The following MAML3 variants were observed in gnomAD, a reference collection of about 807,000 sequenced individuals.
MAML3 encodes mastermind like transcriptional coactivator 3, also known as mastermind-like protein 3.
In MAML3, 27 loss-of-function variants were observed where a neutral mutation model predicts 101.9. The observed-to-expected ratio is 0.27, with a 90% CI of 0.20 to 0.37. The LOEUF is 0.37. MAML3 is among the 10% of genes least tolerant of loss of function. MAML3 has a pLI of 1.00. For synonymous variants in MAML3, 501 were observed against 555.9 expected (o/e 0.90, Z 1.39); for missense variants, 1,316 against 1,444.9 (o/e 0.91, Z 1.45).
chr4:139,809,765 C>A (rs1730761189), intron 2 of MAML3, among the ~76,000 whole-genome samples: 1 of 152,108 alleles, frequency 6.6e-6, no homozygotes, highest in African/African-American at 2.4e-5. Flanking sequence ...CACATGTGAG[C>A]CCCCACCTTC....
At chr4:139,937,287 C>G (rs1315740719) in intron 1 of MAML3, among the ~76,000 whole-genome samples, 1 of 151,962 alleles carries the variant, frequency 6.6e-6, no homozygotes, top group Non-Finnish European at 1.5e-5. Flanking sequence ...TTCATAGATT[C>G]AATGCACAAC....
chr4:140,012,607 C>T (rs1726580192), intron 1 of MAML3, among the ~76,000 whole-genome samples: 2 of 152,226 alleles, frequency 1.3e-5, no homozygotes, highest in Non-Finnish European at 2.9e-5. Context: ...TCCTAAGTTC[C>T]ATCTTGGGCA....
intron 2 of MAML3, among the ~76,000 whole-genome samples, chr4:139,837,549 G>T (rs906992641): frequency 1.3e-5 from 2 of 151,934 alleles, no homozygotes; most frequent in Non-Finnish European, 2.9e-5. Context: ...CACTTTTACC[G>T]CAAGAGCACA....
At chr4:139,841,982 T>C (rs1001940606) in intron 2 of MAML3, among the ~76,000 whole-genome samples, 1 of 152,208 alleles carries the variant, frequency 6.6e-6, no homozygotes, top group African/African-American at 2.4e-5. Flanking sequence ...ACACATTTAT[T>C]TGTCCAGGAC....
chr4:139,796,480 C>T (rs974416235), intron 2 of MAML3, among the ~76,000 whole-genome samples: 1 of 152,188 alleles, frequency 6.6e-6, no homozygotes, highest in Non-Finnish European at 1.5e-5. Flanking sequence ...ATACACTACC[C>T]TCTTCCCAGG....
intron 2 of MAML3, among the ~76,000 whole-genome samples, chr4:139,831,953 C>T (rs193253042): frequency 0.036 from 5,411 of 151,922 alleles, 325 homozygotes; most frequent in African/African-American, 0.12. Context: ...CCACCACGCC[C>T]GGCTAATTTT....
intron 1 of MAML3, among the ~76,000 whole-genome samples, chr4:140,004,728 C>T (rs912350085): frequency 2.6e-5 from 4 of 152,044 alleles, no homozygotes; most frequent in Non-Finnish European, 4.4e-5. Context: ...GGGAGCCTGG[C>T]GCAGCTCCCT....
At chr4:140,093,467 A>G (rs1578681189) in intron 1 of MAML3, among the ~76,000 whole-genome samples, 1 of 138,726 alleles carries the variant, frequency 7.2e-6, no homozygotes, top group African/African-American at 2.7e-5. Context: ...CCCAGGCTGG[A>G]GTGCAGTGGC....
intron 2 of MAML3, among the ~76,000 whole-genome samples, chr4:139,768,822 G>A (rs1306146345): frequency 1.3e-5 from 2 of 152,158 alleles, no homozygotes; most frequent in African/African-American, 4.8e-5. Flanking sequence ...CAGGAATGCT[G>A]GGCATTCACT....
chr4:140,043,631 C>A (rs896038567), intron 1 of MAML3, among the ~76,000 whole-genome samples: 1 of 152,150 alleles, frequency 6.6e-6, no homozygotes, highest in South Asian at 2.1e-4. Flanking sequence ...TAAAATTTTT[C>A]TTTAAAAATG....
rs1392260680 is a variant in MAML3, at chr4:139,968,556, T to C, written c.469-77589A>G. Among the ~76,000 whole-genome samples, 10 of 152,230 alleles carry C rather than the reference T, an allele frequency of 6.6e-5. No homozygotes were observed. The East Asian group carries it at 9.7e-4, about 15-fold the overall frequency. On this transcript the variant is annotated intron_variant, in intron 1 of 4. Coordinates refer to ENST00000509479, the MANE Select transcript of MAML3 (RefSeq NM_018717.5). The stretch of plus-strand genomic sequence containing the variant: ...AGTTTGATGACTACATAGTGCTTGT[T>C]ACAGTCCAGACTTTCTCTAAGTGCT...
At chr4:139,825,724 C>T (rs1286376814) in intron 2 of MAML3, among the ~76,000 whole-genome samples, 1 of 151,192 alleles carries the variant, frequency 6.6e-6, no homozygotes, top group Non-Finnish European at 1.5e-5. Context: ...CATCACGTCA[C>T]TGACCTAAAT....
At chr4:139,910,955 C>G (rs1300660204) in intron 1 of MAML3, among the ~76,000 whole-genome samples, 6 of 152,116 alleles carry the variant, frequency 3.9e-5, no homozygotes, top group Non-Finnish European at 5.9e-5. Flanking sequence ...TAAGTACATT[C>G]ACACTGTTGT....
intron 1 of MAML3, among the ~76,000 whole-genome samples, chr4:140,030,925 G>C (rs1263314722): frequency 6.6e-6 from 1 of 152,208 alleles, no homozygotes; most frequent in Non-Finnish European, 1.5e-5. Context: ...AAATTACAGA[G>C]GTTGGTAACA....
At chr4:139,791,676 A>C (rs1207112601) in intron 2 of MAML3, among the ~76,000 whole-genome samples, 2 of 152,208 alleles carry the variant, frequency 1.3e-5, no homozygotes, top group African/African-American at 2.4e-5. Flanking sequence ...AGCTTTACTC[A>C]TAATACAGGG....
At chr4:139,963,157 C>G (rs1734055021) in intron 1 of MAML3, among the ~76,000 whole-genome samples, 1 of 152,090 alleles carries the variant, frequency 6.6e-6, no homozygotes, top group Admixed American at 6.6e-5. Context: ...AGTGGATCAT[C>G]CCTGTAGTCC....
At chr4:139,905,077 G>T (rs986749539) in intron 1 of MAML3, among the ~76,000 whole-genome samples, 4 of 152,228 alleles carry the variant, frequency 2.6e-5, no homozygotes, top group Middle Eastern at 3.2e-3. Context: ...GCTTGCAGAA[G>T]AAAGAGCTGT....
At chr4:139,798,720 T>C (rs769094719) in intron 2 of MAML3, among the ~76,000 whole-genome samples, 3 of 152,206 alleles carry the variant, frequency 2.0e-5, no homozygotes, top group Admixed American at 6.5e-5. Flanking sequence ...CTAGTACAGA[T>C]GGTAGAAACC....
At chr4:139,970,225 G>A (rs561764976) in intron 1 of MAML3, among the ~76,000 whole-genome samples, 1 of 152,322 alleles carries the variant, frequency 6.6e-6, no homozygotes, top group East Asian at 1.9e-4. Context: ...ATTAGAGCAG[G>A]CTTCACGGAC....
Sources: gnomAD v4.1 joint callset for allele counts (sites outside exome capture counted in the v4.1 genomes callset) on GRCh38, gnomAD v4.1.1 for gene constraint, MANE v1.5 for transcripts, NCBI Gene and HGNC (gene_info 2026-07-23, HGNC 2026-07-21) for gene names.